The following SNAPC4 variants were observed in gnomAD, a reference collection of about 807,000 sequenced individuals.
SNAPC4 encodes small nuclear RNA activating complex polypeptide 4.
Under a neutral mutation model 151.3 loss-of-function variants are expected in SNAPC4, and 127 were observed. The observed-to-expected ratio is 0.84, with a 90% CI of 0.73 to 0.97. The LOEUF is 0.97. Among genes scored for constraint, SNAPC4 ranks in the 50% least tolerant of loss-of-function variants. The pLI, the probability that SNAPC4 is intolerant of heterozygous loss-of-function variation, is 0.00. For synonymous variants in SNAPC4, 1,002 were observed against 824.4 expected (o/e 1.22, Z -3.69); for missense variants, 2,186 against 1,935.0 (o/e 1.13, Z -2.43).
At chr9:136,388,097 G>A (rs1183868108) in intron 11 of SNAPC4, among the ~76,000 whole-genome samples, 1 of 152,064 alleles carries the variant, frequency 6.6e-6, no homozygotes, top group East Asian at 1.9e-4. Context: ...GTGAAACCCC[G>A]TCTCTACTAA....
intron 20 of SNAPC4, among the ~76,000 whole-genome samples, chr9:136,380,302 G>C (rs1351032642): frequency 6.6e-6 from 1 of 152,028 alleles, no homozygotes; most frequent in South Asian, 2.1e-4. Flanking sequence ...AGGGAGAGGC[G>C]GGGGGGCTGG....
intron 10 of SNAPC4, among the ~76,000 whole-genome samples, chr9:136,389,489 TCG>T (rs1271056746): frequency 1.3e-5 from 2 of 152,082 alleles, no homozygotes; most frequent in African/African-American, 4.8e-5. Flanking sequence ...CCTTCCCAGC[TCG>T]CTACATCACA....
chr9:136,382,254 T>C lies in SNAPC4; in HGVS notation c.2066A>G (p.Gln689Arg), dbSNP rs766627927. The C allele has an allele frequency of 2.5e-6, 4 of 1,612,534 alleles. No homozygotes were observed. The South Asian group carries it at 4.4e-5, about 18-fold the overall frequency. Reference sequence around the variant, plus strand: ...GTGGGTGTCTGCAGCAGGCCTCACCTGTGTGCAGCTCCGAGCAGCCGTGTT... The same window carrying C: ...GTGGGTGTCTGCAGCAGGCCTCACCCGTGTGCAGCTCCGAGCAGCCGTGTT... ...RANTAARSCTQKEQLRQPPLP... is the reference protein window; with the variant it reads ...RANTAARSCTRKEQLRQPPLP... The change falls in exon 17 of 24, where the codon CAG (glutamine) becomes CGG (arginine). Residue 689 changes from glutamine (Q) to arginine (R), a missense_variant and splice_region_variant. By Grantham distance (43) the Gln-to-Arg change is conservative (BLOSUM62 1). Transcript: ENST00000684778.
At chr9:136,394,171 T>C (rs1834177115) in intron 7 of SNAPC4, 78 bp downstream of exon 7, 1 of 1,194,316 alleles carries the variant, frequency 8.4e-7, no homozygotes, top group South Asian at 1.2e-5. Flanking sequence ...TGCCTTGGCC[T>C]CCCAAAGTGC....
chr9:136,388,431 G>T lies in SNAPC4; in HGVS notation c.1123+13C>A. 1 of 1,610,576 alleles carries T rather than the reference G, an allele frequency of 6.2e-7. No homozygotes were observed. Among genetic ancestry groups the T allele is most frequent in the Non-Finnish European group, 8.5e-7 (1 of 1,177,730 alleles). ...GTGACAGCCTGAGAGCCGTCGGGGTGGAGGGGCCTCACTTCTGCGGTAGGG... is the reference window on the plus strand; with the variant it reads ...GTGACAGCCTGAGAGCCGTCGGGGTTGAGGGGCCTCACTTCTGCGGTAGGG... On this transcript the variant is annotated intron_variant, in intron 11 of 23. Transcript: ENST00000684778.
At position 136,378,719 on chromosome 9, in the gene SNAPC4, G is replaced by T; in HGVS notation, c.3108C>A (p.Gly1036=). ...GGAGAAAGGGTGGCGCCTCAGGCAG[G>T]CCCTGCTTCCGGGATGCAGCGGGGG... ...SQAPAASRKQ[G]LPEAPPFLPA... is the part of the protein sequence containing the mutation. The change falls in exon 22 of 24, where the codon GGC becomes GGA. Residue 1036 remains glycine (G), a synonymous_variant. Coordinates refer to ENST00000684778, the MANE Select transcript of SNAPC4 (RefSeq NM_003086.4). 3 of 1,503,720 alleles carry T rather than the reference G, an allele frequency of 2.0e-6. No individual in the cohort carries two copies. Among genetic ancestry groups the T allele is most frequent in the South Asian group, 2.7e-5 (2 of 74,358 alleles). The allele number at this position is 1,503,720 out of a possible 1,614,324, so 93.1% of individuals were successfully genotyped here. A position where few individuals can be genotyped will look rare whatever the true frequency, so the allele number is the denominator to read the frequency against.
At chr9:136,380,304 G>C (rs1430689441) in intron 20 of SNAPC4, among the ~76,000 whole-genome samples, 1 of 152,112 alleles carries the variant, frequency 6.6e-6, no homozygotes, top group Non-Finnish European at 1.5e-5. Flanking sequence ...GGAGAGGCGG[G>C]GGGGCTGGAA....
At chr9:136,390,996 G>A (rs572660289) in intron 10 of SNAPC4, among the ~76,000 whole-genome samples, 29 of 152,090 alleles carry the variant, frequency 1.9e-4, no homozygotes, top group African/African-American at 6.0e-4. Context: ...CACCACGCCC[G>A]GCTAATTTTG....
chr9:136,379,392 T>C (rs932268043), intron 21 of SNAPC4, 93 bp from the exon 22 acceptor site: 2 of 1,549,458 alleles, frequency 1.3e-6, no homozygotes, highest in Non-Finnish European at 8.7e-7. Context: ...AGGGACCATG[T>C]GGGGAGCCTG....
chr9:136,389,600 GCCC>G (rs1481481416), intron 10 of SNAPC4, among the ~76,000 whole-genome samples: 1 of 152,158 alleles, frequency 6.6e-6, no homozygotes, highest in Non-Finnish European at 1.5e-5. Context: ...TCGCCCGCAC[GCCC>G]CCAAGAGAGT....
At position 136,390,385 on chromosome 9, in the gene SNAPC4, C is replaced by T. The variant is rs539614845; in HGVS notation, c.975+1557G>A. ...CCTGGCTAACACAGTGAAACCCCGT[C>T]TCTACTAAAAATACAAAAAATTAGC... is the stretch of plus-strand genomic sequence containing the variant. On this transcript the variant is annotated intron_variant, in intron 10 of 23. Transcript: ENST00000684778. 6.6e-5 allele frequency among the ~76,000 whole-genome samples: 10 copies of T among 151,948 alleles called. No individual in the cohort carries two copies. In the South Asian group the frequency reaches 1.9e-3, roughly 28 times the overall value.
chr9:136,395,821 CCT>C (rs765034629), intron 3 of SNAPC4, 51 bp from the exon 4 acceptor site: 63 of 1,555,474 alleles, frequency 4.1e-5, no homozygotes, highest in Admixed American at 1.4e-4. Context: ...TGGATGCTCC[CCT>C]GTCCTCGGCA....
chr9:136,382,391 G>GC lies in SNAPC4; in HGVS notation c.1984-56dup, dbSNP rs554698678. The GC allele has an allele frequency of 2.7e-4, 399 of 1,475,452 alleles. No individual in the cohort carries two copies. In the African/African-American group the frequency reaches 5.1e-3, roughly 19 times the overall value. 91.4% of individuals were successfully genotyped at this position (1,475,452 alleles called of 1,614,324 possible). A position where few individuals can be genotyped will look rare whatever the true frequency, so the allele number is the denominator to read the frequency against. ...CGCGGGGTGTACGGGACACATGGGG[G>GC]CCCTCCCCTCGCTGCCCACACACGA... On this transcript the variant is annotated intron_variant, in intron 16 of 23. Coordinates refer to ENST00000684778, the MANE Select transcript of SNAPC4 (RefSeq NM_003086.4).
chr9:136,398,977 A>C (rs1250528996), intron 1 of SNAPC4, among the ~76,000 whole-genome samples: 1 of 152,226 alleles, frequency 6.6e-6, no homozygotes, highest in Admixed American at 6.5e-5. Context: ...GGAAGCTCCC[A>C]AAGGGAAGGC....
intron 2 of SNAPC4, among the ~76,000 whole-genome samples, chr9:136,397,467 G>GC (rs1008064260): frequency 4.0e-5 from 6 of 150,058 alleles, no homozygotes; most frequent in East Asian, 2.0e-4. Context: ...AAGGCTGGGG[G>GC]GGTCTCCTGT....
At chr9:136,390,534 GAC>G (rs1834032368) in intron 10 of SNAPC4, among the ~76,000 whole-genome samples, 1 of 116,618 alleles carries the variant, frequency 8.6e-6, no homozygotes, top group Non-Finnish European at 1.6e-5. Context: ...CAGCCTGGGC[GAC>G]AGAGTGAGAC....
intron 5 of SNAPC4, 53 bp downstream of exon 5, chr9:136,395,245 C>A (rs763847356): frequency 3.8e-6 from 6 of 1,580,262 alleles, no homozygotes; most frequent in Admixed American, 1.8e-5. Flanking sequence ...GGGACAAGAA[C>A]CCTTCCCACG....
In SNAPC4 at chr9:136,394,853, C is replaced by T. The variant is rs539164875; in HGVS notation, c.497G>A (p.Arg166Gln). 14 of 1,613,894 alleles carry T rather than the reference C, an allele frequency of 8.7e-6. 1 individual carries two copies. The highest frequency in any genetic ancestry group is 7.7e-5 in the South Asian group (7 of 91,084). The change falls in exon 6 of 24, where the codon CGA becomes CAA. Residue 166 changes from arginine to glutamine, a missense_variant. Arg to Gln is a conservative substitution (Grantham distance 43). Transcript: ENST00000684778. ...CTTGATCCCCTGGGCAGCCTTCTCT[C>T]GTGTGTCCTCGTTGGCAGGTGGCCC... Reference protein sequence around the residue: ...GVGPPANEDTREKAAQGIKAF... With the variant: ...GVGPPANEDTQEKAAQGIKAF...
intron 13 of SNAPC4, among the ~76,000 whole-genome samples, 173 bp downstream of exon 13, chr9:136,387,312 G>A (rs117986443): frequency 0.022 from 3,394 of 152,298 alleles, 55 homozygotes; most frequent in Middle Eastern, 0.095. Context: ...GGCCAACCCT[G>A]GCAAGCAAGC....
Sources: gnomAD v4.1 joint callset for allele counts (sites outside exome capture counted in the v4.1 genomes callset) on GRCh38, gnomAD v4.1.1 for gene constraint, MANE v1.5 for transcripts, NCBI Gene and HGNC (gene_info 2026-07-23, HGNC 2026-07-21) for gene names.